Variants in PRR16 observed in about 807,000 individuals in gnomAD.
PRR16 encodes the protein proline rich 16.
Under a neutral mutation model 18.2 loss-of-function variants are expected in PRR16, and 6 were observed. The observed-to-expected ratio is 0.33, with a 90% confidence interval of 0.18 to 0.65. PRR16 has a LOEUF of 0.65. Ranked by LOEUF, PRR16 falls within the 30% of genes least tolerant of loss-of-function variation. The pLI is 0.74. For missense variants in PRR16, 412 were observed against 376.6 expected (o/e 1.09, Z -0.78); for synonymous variants, 151 against 147.8 (o/e 1.02, Z -0.16).
the PRR16 span, among the ~76,000 whole-genome samples, chr5:120,739,915 TA>T: frequency 2.0e-5 from 3 of 152,196 alleles, no homozygotes; most frequent in Non-Finnish European, 4.4e-5. Context: ...AAACATATTT[TA>T]AAATTTATAT....
chr5:120,618,530 C>T (rs1359674077), intron 1 of PRR16: 1 of 953,754 alleles, frequency 1.0e-6, no homozygotes, highest in Admixed American at 6.2e-5. Context: ...TGGAATTTAG[C>T]TATATTTATC....
intron 1 of PRR16, among the ~76,000 whole-genome samples, chr5:120,587,672 A>G (rs529320674): frequency 2.6e-5 from 4 of 152,340 alleles, no homozygotes; most frequent in African/African-American, 9.6e-5. Flanking sequence ...CTTCTAAAAT[A>G]TCACTGCTCA....
At chr5:120,719,223 T>C in the PRR16 span, among the ~76,000 whole-genome samples, 1 of 152,104 alleles carries the variant, frequency 6.6e-6, no homozygotes, top group South Asian at 2.1e-4. Flanking sequence ...ATTGTTAGAC[T>C]TAATTTTTTC....
chr5:120,578,752 G>C (rs992406065), intron 1 of PRR16, among the ~76,000 whole-genome samples: 15 of 151,992 alleles, frequency 9.9e-5, no homozygotes, highest in African/African-American at 3.1e-4. Flanking sequence ...TATTCCTTTG[G>C]GTATATAGAC....
At chr5:120,726,536 A>G in the PRR16 span, among the ~76,000 whole-genome samples, 6 of 152,058 alleles carry the variant, frequency 3.9e-5, no homozygotes, top group Non-Finnish European at 7.4e-5. Context: ...TGCAGATGGG[A>G]AAAGGCAGCT....
the PRR16 span, among the ~76,000 whole-genome samples, chr5:120,747,607 C>T: frequency 6.6e-6 from 1 of 152,062 alleles, no homozygotes; most frequent in African/African-American, 2.4e-5. Context: ...CATTCTGTAC[C>T]CACAATGAAT....
At chr5:120,787,888 C>T in the PRR16 span, among the ~76,000 whole-genome samples, 4 of 151,920 alleles carry the variant, frequency 2.6e-5, no homozygotes, top group African/African-American at 9.7e-5. Context: ...AAAAGGACAC[C>T]CTGTCCTCTG....
chr5:120,763,351 T>C, the PRR16 span, among the ~76,000 whole-genome samples: 1 of 152,072 alleles, frequency 6.6e-6, no homozygotes, highest in Non-Finnish European at 1.5e-5. Flanking sequence ...TTTCGCCATG[T>C]TGGCCAGGCT....
At chr5:120,641,527 A>G (rs1755422061) in intron 1 of PRR16, among the ~76,000 whole-genome samples, 1 of 152,064 alleles carries the variant, frequency 6.6e-6, no homozygotes, top group South Asian at 2.1e-4. Flanking sequence ...TCCAGGTTGC[A>G]TCATCACACT....
At chr5:120,723,677 TATTGCAATTACTCCAGACTAGTAA>T in the PRR16 span, among the ~76,000 whole-genome samples, 1 of 151,976 alleles carries the variant, frequency 6.6e-6, no homozygotes, top group African/African-American at 2.4e-5. Context: ...CTCAAGCATT[TATTGCAATTACTCCAGACTAGTAA>T]ATTTCCTGTG....
At chr5:120,597,106 AT>A in intron 1 of PRR16, among the ~76,000 whole-genome samples, 2 of 151,550 alleles carry the variant, frequency 1.3e-5, no homozygotes, top group South Asian at 4.2e-4. Context: ...CCATTCAGTA[AT>A]TTTTTTGCTT....
At chr5:120,517,978 G>A (rs1224649308) in intron 1 of PRR16, among the ~76,000 whole-genome samples, 1 of 152,114 alleles carries the variant, frequency 6.6e-6, no homozygotes, top group Non-Finnish European at 1.5e-5. Context: ...TATCTTGGCT[G>A]GGGAAAAAGT....
At chr5:120,505,859 TAC>T (rs1328093320) in intron 1 of PRR16, among the ~76,000 whole-genome samples, 4 of 151,722 alleles carry the variant, frequency 2.6e-5, no homozygotes, top group African/African-American at 7.3e-5. Flanking sequence ...TGTATGTATA[TAC>T]ACACACGCGT....
At chr5:120,768,124 A>T in the PRR16 span, among the ~76,000 whole-genome samples, 1 of 151,832 alleles carries the variant, frequency 6.6e-6, no homozygotes, top group African/African-American at 2.4e-5. Flanking sequence ...AATTTGCCTC[A>T]TTTGGTCATA....
the PRR16 span, among the ~76,000 whole-genome samples, chr5:120,730,833 C>G: frequency 2.0e-5 from 3 of 152,130 alleles, no homozygotes; most frequent in Non-Finnish European, 4.4e-5. Flanking sequence ...CTGAGATGAT[C>G]TTTCTAGCAC....
chr5:120,708,636 C>T, the PRR16 span, among the ~76,000 whole-genome samples: 5 of 152,134 alleles, frequency 3.3e-5, no homozygotes, highest in Admixed American at 1.3e-4. Context: ...GTGTACAAAG[C>T]GATTATCAAA....
chr5:120,618,917 C>G (rs888475198), intron 1 of PRR16, among the ~76,000 whole-genome samples: 34 of 151,874 alleles, frequency 2.2e-4, no homozygotes, highest in African/African-American at 7.3e-4. Flanking sequence ...CCAGAAAATT[C>G]AAGACATAGT....
At chr5:120,491,800 T>C (rs1370430853) in intron 1 of PRR16, among the ~76,000 whole-genome samples, 2 of 152,182 alleles carry the variant, frequency 1.3e-5, no homozygotes, top group African/African-American at 4.8e-5. Flanking sequence ...CGCCTTGGCC[T>C]CCCAAAGTGC....
chr5:120,735,977 G>A, the PRR16 span, among the ~76,000 whole-genome samples: 1 of 152,016 alleles, frequency 6.6e-6, no homozygotes, highest in African/African-American at 2.4e-5. Flanking sequence ...TAAATCAATT[G>A]TGAATTAATT....
Sources: allele counts gnomAD v4.1 joint callset (sites outside exome capture counted in the v4.1 genomes callset), GRCh38; gene constraint gnomAD v4.1.1; transcripts MANE v1.5; gene names NCBI Gene and HGNC (gene_info 2026-07-23, HGNC 2026-07-21).